AGPAT5: variants seen among roughly 807,000 people sequenced by gnomAD.
The protein encoded by AGPAT5 is 1-acylglycerol-3-phosphate O-acyltransferase 5.
In AGPAT5, 46 loss-of-function variants were observed where a neutral mutation model predicts 45.6. The observed-to-expected ratio is 1.01, with a 90% CI of 0.80 to 1.29. The LOEUF is 1.29. Among genes scored for constraint, AGPAT5 ranks in the 50% most tolerant of loss-of-function variants. The pLI, the probability that AGPAT5 is intolerant of heterozygous loss-of-function variation, is 0.00. For synonymous variants in AGPAT5, 272 were observed against 167.0 expected (o/e 1.63, Z -4.85); for missense variants, 673 against 450.7 (o/e 1.49, Z -4.47).
At chr8:6,756,091 A>G (rs1179515587) in intron 7 of AGPAT5, among the ~76,000 whole-genome samples, 1 of 152,260 alleles carries the variant, frequency 6.6e-6, no homozygotes, top group Non-Finnish European at 1.5e-5. Context: ...ATAAAGCAAT[A>G]GAAGCGCTTT....
At chr8:6,730,991 C>T (rs1413418249) in intron 3 of AGPAT5, among the ~76,000 whole-genome samples, 165 bp downstream of exon 3, 1 of 151,226 alleles carries the variant, frequency 6.6e-6, no homozygotes, top group East Asian at 1.9e-4. Flanking sequence ...GCCTCTGCCT[C>T]CCAAGTAGTT....
chr8:6,731,300 T>C (rs972910955), intron 3 of AGPAT5, among the ~76,000 whole-genome samples: 1 of 152,212 alleles, frequency 6.6e-6, no homozygotes, highest in African/African-American at 2.4e-5. Flanking sequence ...TACGTCTGAT[T>C]ATCCATATGC....
intron 4 of AGPAT5, among the ~76,000 whole-genome samples, chr8:6,741,268 G>A (rs1490369916): frequency 2.0e-5 from 3 of 152,022 alleles, no homozygotes; most frequent in East Asian, 3.9e-4. Context: ...GGTACTTAAC[G>A]ATACTGATTT....
At chr8:6,717,820 A>T (rs761559940) in intron 1 of AGPAT5, among the ~76,000 whole-genome samples, 7 of 152,174 alleles carry the variant, frequency 4.6e-5, no homozygotes, top group Non-Finnish European at 7.4e-5. Flanking sequence ...CGTAGTTGAT[A>T]TTCAAAGTGA....
chr8:6,756,980 A>G (rs552801859), intron 7 of AGPAT5, among the ~76,000 whole-genome samples, 183 bp from the exon 8 acceptor site: 3 of 152,384 alleles, frequency 2.0e-5, no homozygotes, highest in South Asian at 2.1e-4. Flanking sequence ...CATAGAGCAT[A>G]TTAAAGATAT....
intron 7 of AGPAT5, among the ~76,000 whole-genome samples, 176 bp downstream of exon 7, chr8:6,755,350 T>C (rs1801800042): frequency 6.6e-6 from 1 of 152,262 alleles, no homozygotes; most frequent in South Asian, 2.1e-4. Flanking sequence ...CAAATCAGTC[T>C]AAAAGAACTT....
intron 5 of AGPAT5, 79 bp downstream of exon 5, chr8:6,741,830 C>G: frequency 8.6e-7 from 1 of 1,164,138 alleles, no homozygotes; most frequent in Non-Finnish European, 1.3e-6. Context: ...GGAAAAGATA[C>G]TTTTGTTTTA....
chr8:6,712,652 G>C (rs1451672639), intron 1 of AGPAT5, among the ~76,000 whole-genome samples: 1 of 152,154 alleles, frequency 6.6e-6, no homozygotes, highest in African/African-American at 2.4e-5. Context: ...TAGGACTCAT[G>C]AAAAAGGAAT....
At chr8:6,756,414 C>G (rs997536205) in intron 7 of AGPAT5, among the ~76,000 whole-genome samples, 5 of 151,908 alleles carry the variant, frequency 3.3e-5, no homozygotes, top group Non-Finnish European at 5.9e-5. Context: ...ATTGCTTGAG[C>G]CCAGAAGTTC....
intron 1 of AGPAT5, chr8:6,709,549 A>G (rs1315856849): frequency 8.1e-6 from 1 of 123,300 alleles, no homozygotes; most frequent in Non-Finnish European, 1.6e-5. Context: ...AACAGTAGGT[A>G]TTTGAAGTGT....
At chr8:6,726,457 C>G (rs1361727749) in intron 2 of AGPAT5, among the ~76,000 whole-genome samples, 1 of 152,200 alleles carries the variant, frequency 6.6e-6, no homozygotes, top group Non-Finnish European at 1.5e-5. Flanking sequence ...ATGAACTCCA[C>G]TCGATTAATA....
intron 5 of AGPAT5, among the ~76,000 whole-genome samples, chr8:6,745,573 A>G (rs947871542): frequency 1.3e-5 from 2 of 152,258 alleles, no homozygotes; most frequent in African/African-American, 4.8e-5. Flanking sequence ...GTAGAAATAA[A>G]CAATGGAGTA....
chr8:6,720,349 A>G (rs1011571668), intron 1 of AGPAT5, among the ~76,000 whole-genome samples: 3 of 152,230 alleles, frequency 2.0e-5, no homozygotes, highest in Non-Finnish European at 4.4e-5. Flanking sequence ...ATGATGTTAC[A>G]TGGGTTATTT....
rs1001327228 is a variant in AGPAT5, at chr8:6,715,624, T to C, written c.219+6737T>C. Among the ~76,000 whole-genome samples the C allele has an allele frequency of 3.3e-5, 5 of 152,320 alleles. No individual in the cohort carries two copies. In the East Asian group the frequency reaches 5.8e-4, roughly 18 times the overall value. On this transcript the variant is annotated intron_variant, in intron 1 of 7. Coordinates refer to ENST00000285518, the MANE Select transcript of AGPAT5 (RefSeq NM_018361.5). ...CCTAGCCAGGAGTTTCAGGCACTTA[T>C]TTTCTGAAGATGCTCTGCCTGGCAA... is the stretch of plus-strand genomic sequence containing the variant.
chr8:6,731,443 G>T (rs1365903196), intron 3 of AGPAT5, among the ~76,000 whole-genome samples: 8 of 152,102 alleles, frequency 5.3e-5, no homozygotes, highest in Non-Finnish European at 1.2e-4. Flanking sequence ...ATCATCTCTA[G>T]ATTACTTATA....
chr8:6,744,641 A>G (rs1801367786), intron 5 of AGPAT5, among the ~76,000 whole-genome samples: 1 of 152,076 alleles, frequency 6.6e-6, no homozygotes, highest in Admixed American at 6.6e-5. Flanking sequence ...ACCACCTTGA[A>G]GTTCATCTGG....
intron 1 of AGPAT5, among the ~76,000 whole-genome samples, chr8:6,710,618 T>A (rs956980004): frequency 6.6e-6 from 1 of 152,172 alleles, no homozygotes; most frequent in African/African-American, 2.4e-5. Flanking sequence ...AGGGGACAAA[T>A]AATTATTTTC....
At chr8:6,718,230 T>C (rs554580826) in intron 1 of AGPAT5, among the ~76,000 whole-genome samples, 68 of 152,318 alleles carry the variant, frequency 4.5e-4, no homozygotes, top group Admixed American at 7.8e-4. Flanking sequence ...AGAAAGAACT[T>C]TGTGGCCTTC....
intron 1 of AGPAT5, among the ~76,000 whole-genome samples, chr8:6,709,766 C>T (rs945029292): frequency 1.3e-5 from 2 of 151,612 alleles, no homozygotes; most frequent in East Asian, 1.9e-4. Context: ...TGTGGTCAGT[C>T]AGGTACTATA....
Sources: gnomAD v4.1 joint callset for allele counts (sites outside exome capture counted in the v4.1 genomes callset) on GRCh38, gnomAD v4.1.1 for gene constraint, MANE v1.5 for transcripts, NCBI Gene and HGNC (gene_info 2026-07-23, HGNC 2026-07-21) for gene names.